The following MACROD2 variants were observed in gnomAD, a reference collection of about 807,000 sequenced individuals.
MACROD2 encodes mono-ADP ribosylhydrolase 2, also known as ADP-ribose glycohydrolase MACROD2.
A neutral mutation model predicts 70.4 loss-of-function variants in MACROD2; 36 were observed. The observed-to-expected ratio is 0.51, with a 90% confidence interval of 0.39 to 0.68. MACROD2 has a LOEUF of 0.68. Ranked by LOEUF, MACROD2 falls within the 30% of genes least tolerant of loss-of-function variation. The probability of loss-of-function intolerance (pLI) is 0.00; values close to 1 mark genes in which losing one functional copy is unlikely to be tolerated. For synonymous variants in MACROD2, 172 were observed against 178.8 expected (o/e 0.96, Z 0.30); for missense variants, 496 against 538.4 (o/e 0.92, Z 0.78).
intron 7 of MACROD2, among the ~76,000 whole-genome samples, chr20:15,475,432 A>C (rs1269009850): frequency 2.6e-5 from 4 of 152,254 alleles, no homozygotes; most frequent in Admixed American, 2.6e-4. Flanking sequence ...GTAGGAATGA[A>C]AGGTGGGGAC....
intron 3 of MACROD2, among the ~76,000 whole-genome samples, chr20:14,457,744 G>T (rs1412629773): frequency 6.6e-6 from 1 of 152,124 alleles, no homozygotes; most frequent in East Asian, 1.9e-4. Flanking sequence ...CACAGCGGGG[G>T]CTGCAAGACA....
At chr20:14,082,712 A>G (rs1249420297) in intron 2 of MACROD2, among the ~76,000 whole-genome samples, 3 of 127,832 alleles carry the variant, frequency 2.3e-5, no homozygotes, top group South Asian at 2.5e-4. Context: ...TGCATTCGTG[A>G]TAAGTCTGTC....
At chr20:15,041,408 C>T (rs2075355278) in intron 5 of MACROD2, among the ~76,000 whole-genome samples, 1 of 152,060 alleles carries the variant, frequency 6.6e-6, no homozygotes, top group Admixed American at 6.6e-5. Flanking sequence ...AAGAATACTA[C>T]TTCTAGATTT....
At chr20:14,837,468 T>C (rs907816071) in intron 5 of MACROD2, among the ~76,000 whole-genome samples, 1 of 152,060 alleles carries the variant, frequency 6.6e-6, no homozygotes, top group African/African-American at 2.4e-5. Flanking sequence ...GGAGTATGAA[T>C]GGATATGTAA....
At chr20:14,013,324 G>A (rs1341065800) in intron 2 of MACROD2, among the ~76,000 whole-genome samples, 1 of 149,998 alleles carries the variant, frequency 6.7e-6, no homozygotes, top group Non-Finnish European at 1.5e-5. Context: ...CCAGGCTGGA[G>A]TGCAGTGGTG....
At chr20:14,582,459 G>A (rs1389894255) in intron 4 of MACROD2, among the ~76,000 whole-genome samples, 1 of 152,032 alleles carries the variant, frequency 6.6e-6, no homozygotes. Context: ...CCAGCAGCGT[G>A]ACCTAGATTC....
intron 3 of MACROD2, among the ~76,000 whole-genome samples, chr20:14,351,934 A>T (rs1382555425): frequency 1.3e-5 from 2 of 152,140 alleles, no homozygotes; most frequent in East Asian, 3.9e-4. Flanking sequence ...GTTTATCATG[A>T]AAGGATGTAT....
chr20:15,694,018 A>G (rs539829295), intron 8 of MACROD2, among the ~76,000 whole-genome samples: 1 of 152,242 alleles, frequency 6.6e-6, no homozygotes, highest in Admixed American at 6.5e-5. Flanking sequence ...CTCCAATCTC[A>G]TCTAAGTCAC....
Position 14,389,250 on chromosome 20 carries a change from G to A in MACROD2, c.272-104229G>A, listed in dbSNP as rs146907936. 4.6e-3 allele frequency among the ~76,000 whole-genome samples: 696 copies of A among 151,290 alleles called. 8 individuals are homozygous for A. The highest frequency in any genetic ancestry group is 0.014 in the African/African-American group (598 of 41,294). ...CAGCGTAGCCAACAGGCGAAACCTCGTCTCTACTAAAAATACAAAAAATTA... is the reference window on the plus strand; with the variant it reads ...CAGCGTAGCCAACAGGCGAAACCTCATCTCTACTAAAAATACAAAAAATTA... On this transcript the variant is annotated intron_variant, in intron 3 of 17. Coordinates refer to ENST00000684519, the MANE Select transcript of MACROD2 (RefSeq NM_001351661.2).
At chr20:15,437,665 G>C (rs914209669) in intron 7 of MACROD2, among the ~76,000 whole-genome samples, 1 of 151,908 alleles carries the variant, frequency 6.6e-6, no homozygotes, top group African/African-American at 2.4e-5. Flanking sequence ...CTCCACCCTC[G>C]AGTAGACCCC....
intron 4 of MACROD2, among the ~76,000 whole-genome samples, chr20:14,546,112 G>T (rs2085488953): frequency 6.6e-6 from 1 of 152,092 alleles, no homozygotes; most frequent in Admixed American, 6.6e-5. Flanking sequence ...AGGGAATCAG[G>T]TCTCCCTATT....
chr20:15,443,744 G>A (rs553236959), intron 7 of MACROD2, among the ~76,000 whole-genome samples: 34 of 152,196 alleles, frequency 2.2e-4, no homozygotes, highest in African/African-American at 7.5e-4. Flanking sequence ...ATAAATATCT[G>A]TTTCATGGCT....
chr20:15,461,147 A>G lies in MACROD2; in HGVS notation c.571+29712A>G, dbSNP rs142390478. Among the ~76,000 whole-genome samples the G allele has an allele frequency of 6.2e-3, 934 of 151,640 alleles. 9 individuals are homozygous for G. The highest frequency in any genetic ancestry group is 0.022 in the African/African-American group (892 of 41,384). On this transcript the variant is annotated intron_variant, in intron 7 of 17. Coordinates refer to ENST00000684519, the MANE Select transcript of MACROD2 (RefSeq NM_001351661.2). ...CTCAGCCAGCAGAGTTGCTGGGACTATAGGCACATGCCACCATGCCTGGCT... is the reference window on the plus strand; with the variant it reads ...CTCAGCCAGCAGAGTTGCTGGGACTGTAGGCACATGCCACCATGCCTGGCT...
chr20:15,372,486 A>G (rs2045507082), intron 6 of MACROD2, among the ~76,000 whole-genome samples: 1 of 152,148 alleles, frequency 6.6e-6, no homozygotes, highest in African/African-American at 2.4e-5. Context: ...CTTCTCACTT[A>G]ATGTCCATTG....
intron 5 of MACROD2, among the ~76,000 whole-genome samples, chr20:14,800,833 G>A (rs966892179): frequency 1.3e-5 from 2 of 150,830 alleles, no homozygotes; most frequent in African/African-American, 4.8e-5. Flanking sequence ...TTTAATTGTA[G>A]TGCTCTGCCA....
rs1170119760 is a variant in MACROD2, at chr20:15,987,113, G to A, written c.1108G>A (p.Val370Met). 1.2e-6 allele frequency: 2 copies of A among 1,612,438 alleles called. No individual in the cohort carries two copies. Residue 370 changes from valine to methionine, a missense_variant, in exon 15 of 18, where the codon GTG becomes ATG. By Grantham distance (21) the Val-to-Met change is conservative. Coordinates refer to ENST00000684519, the MANE Select transcript of MACROD2 (RefSeq NM_001351661.2). ...TGCCGTGATTGTGGAGCAACCAGAA[G>A]TGATTCCATTAACAGAGGACCAAGA... ...EDAVIVEQPEVIPLTEDQEEK... is the reference protein window; with the variant it reads ...EDAVIVEQPEMIPLTEDQEEK...
intron 2 of MACROD2, among the ~76,000 whole-genome samples, chr20:14,079,685 C>G (rs2053964120): frequency 6.6e-6 from 1 of 152,158 alleles, no homozygotes; most frequent in Admixed American, 6.5e-5. Context: ...TTGGAAAAAT[C>G]AGTTTATAAC....
At chr20:14,666,404 G>C (rs2070737077) in intron 4 of MACROD2, among the ~76,000 whole-genome samples, 2 of 152,162 alleles carry the variant, frequency 1.3e-5, no homozygotes, top group South Asian at 4.2e-4. Context: ...CCAGAAAGTT[G>C]GGGACTTTCT....
At chr20:14,338,718 T>G (rs924942281) in intron 3 of MACROD2, among the ~76,000 whole-genome samples, 2 of 152,180 alleles carry the variant, frequency 1.3e-5, no homozygotes, top group African/African-American at 2.4e-5. Context: ...TTGAAATTAT[T>G]TTAGTTTAAT....
Sources: allele counts gnomAD v4.1 joint callset (sites outside exome capture counted in the v4.1 genomes callset), GRCh38; gene constraint gnomAD v4.1.1; transcripts MANE v1.5; gene names NCBI Gene and HGNC (gene_info 2026-07-23, HGNC 2026-07-21).